The following MAGI1 variants were observed in gnomAD, a reference collection of about 807,000 sequenced individuals.
The protein encoded by MAGI1 is membrane-associated guanylate kinase, WW and PDZ domain-containing protein 1.
In MAGI1, 58 loss-of-function variants were observed where a neutral mutation model predicts 139.9. The ratio of observed to expected loss-of-function variants is 0.41; its 90% CI spans 0.34 to 0.52. The LOEUF is 0.52. Among genes scored for constraint, MAGI1 ranks in the 20% least tolerant of loss-of-function variants. MAGI1 has a pLI of 0.12. For synonymous variants in MAGI1, 812 were observed against 737.9 expected (o/e 1.10, Z -1.63); for missense variants, 1,874 against 1,901.6 (o/e 0.99, Z 0.27).
chr3:65,712,074 T>C lies in MAGI1; in HGVS notation c.314-89986A>G, dbSNP rs543220323. 2.0e-5 allele frequency among the ~76,000 whole-genome samples: 3 copies of C among 152,284 alleles called. No homozygotes were observed. In the East Asian group the frequency reaches 5.8e-4, roughly 29 times the overall value. On this transcript the variant is annotated intron_variant, in intron 1 of 22. Transcript: ENST00000402939. ...AAGTGCCTAGCAAATGGTTGGCTCT[T>C]GTGATGGTTTAAAAACACAACCTAA...
At chr3:65,480,493 G>C (rs4688570) in intron 3 of MAGI1, among the ~76,000 whole-genome samples, 125,408 of 150,990 alleles carry the variant, frequency 0.83, 52,242 homozygotes, top group East Asian at 0.96. Flanking sequence ...AGAGATCGTG[G>C]TACTGCACTC....
chr3:65,858,707 T>C (rs898131480), intron 1 of MAGI1, among the ~76,000 whole-genome samples: 2 of 152,180 alleles, frequency 1.3e-5, no homozygotes, highest in Non-Finnish European at 2.9e-5. Context: ...ACCAATGACC[T>C]GGTCTAATTA....
At position 65,987,251 on chromosome 3, in the gene MAGI1, T is replaced by A. The variant is rs879868060; in HGVS notation, c.313+50745A>T. On this transcript the variant is annotated intron_variant, in intron 1 of 22. Transcript: ENST00000402939. The stretch of plus-strand genomic sequence containing the variant: ...TCATGTGACTTTGGGAGGGAAGAGC[T>A]TGAACTCTGCTATTCCTAATGTGCA... 2.6e-5 allele frequency among the ~76,000 whole-genome samples: 4 copies of A among 152,280 alleles called. No homozygotes were observed. The South Asian group carries it at 8.3e-4, about 32-fold the overall frequency.
At chr3:65,876,399 G>A (rs1006578619) in intron 1 of MAGI1, among the ~76,000 whole-genome samples, 1 of 152,100 alleles carries the variant, frequency 6.6e-6, no homozygotes, top group Non-Finnish European at 1.5e-5. Context: ...GCTCAGCTGA[G>A]AAATGCTGAT....
chr3:65,507,434 G>C (rs1477933681), intron 2 of MAGI1, among the ~76,000 whole-genome samples: 1 of 152,222 alleles, frequency 6.6e-6, no homozygotes, highest in Non-Finnish European at 1.5e-5. Context: ...AGGATTACAT[G>C]AGACAACACA....
At chr3:65,812,140 T>C (rs1350764055) in intron 1 of MAGI1, among the ~76,000 whole-genome samples, 2 of 152,040 alleles carry the variant, frequency 1.3e-5, no homozygotes, top group Non-Finnish European at 2.9e-5. Flanking sequence ...CAGGAAATGC[T>C]TTTTCCCAGA....
chr3:65,359,803 T>C, intron 22 of MAGI1: 1 of 985,774 alleles, frequency 1.0e-6, no homozygotes, highest in South Asian at 4.7e-5. Flanking sequence ...TGGATTTTCA[T>C]CCTCAGTGCA....
intron 1 of MAGI1, among the ~76,000 whole-genome samples, chr3:66,030,666 C>T (rs2107594474): frequency 6.6e-6 from 1 of 152,180 alleles, no homozygotes; most frequent in Middle Eastern, 3.4e-3. Flanking sequence ...AGATAGCAAG[C>T]CTGTAAGATG....
chr3:65,964,932 G>A lies in MAGI1; in HGVS notation c.313+73064C>T, dbSNP rs936341520. On this transcript the variant is annotated intron_variant, in intron 1 of 22. Coordinates refer to ENST00000402939, the MANE Select transcript of MAGI1 (RefSeq NM_001033057.2). Reference sequence around the variant, plus strand: ...AAGAATTTCAATAAGAAACTCTCCCGGAAACTATATGCATATGCATATCTA... The same window carrying A: ...AAGAATTTCAATAAGAAACTCTCCCAGAAACTATATGCATATGCATATCTA... Among the ~76,000 whole-genome samples the A allele has an allele frequency of 2.6e-5, 4 of 152,154 alleles. No individual in the cohort carries two copies. In the East Asian group the frequency reaches 5.8e-4, roughly 22 times the overall value.
At chr3:65,811,823 T>TC (rs544656693) in intron 1 of MAGI1, among the ~76,000 whole-genome samples, 29 of 152,014 alleles carry the variant, frequency 1.9e-4, no homozygotes, top group African/African-American at 5.8e-4. Context: ...TTATAAAGAA[T>TC]CCCCCCTTGT....
intron 1 of MAGI1, among the ~76,000 whole-genome samples, chr3:65,662,415 C>T (rs2107396991): frequency 6.6e-6 from 1 of 152,354 alleles, no homozygotes; most frequent in South Asian, 2.1e-4. Flanking sequence ...CTACTTGATT[C>T]TGCCACTTTG....
chr3:65,516,336 C>T (rs899926914), intron 2 of MAGI1, among the ~76,000 whole-genome samples: 2 of 152,032 alleles, frequency 1.3e-5, no homozygotes, highest in Non-Finnish European at 2.9e-5. Flanking sequence ...TGTGCCACCC[C>T]ACCCGGCTAA....
chr3:65,551,300 T>C (rs2079818346), intron 2 of MAGI1, among the ~76,000 whole-genome samples: 1 of 151,802 alleles, frequency 6.6e-6, no homozygotes, highest in Non-Finnish European at 1.5e-5. Context: ...ACCACTTTCC[T>C]TTTTTATTTT....
chr3:65,989,647 C>T (rs1203632750), intron 1 of MAGI1, among the ~76,000 whole-genome samples: 1 of 152,182 alleles, frequency 6.6e-6, no homozygotes, highest in Non-Finnish European at 1.5e-5. Context: ...AAGTGATCCT[C>T]CTGCCTCAGC....
chr3:65,969,491 C>A (rs971485596), intron 1 of MAGI1, among the ~76,000 whole-genome samples: 1 of 152,146 alleles, frequency 6.6e-6, no homozygotes, highest in African/African-American at 2.4e-5. Flanking sequence ...TGCCACTGAC[C>A]TGGGAGAAAC....
At chr3:65,368,601 C>T (rs1941671761) in intron 18 of MAGI1, among the ~76,000 whole-genome samples, 1 of 152,200 alleles carries the variant, frequency 6.6e-6, no homozygotes, top group African/African-American at 2.4e-5. Flanking sequence ...CCAAGCAAAT[C>T]AACAAAGGAT....
intron 1 of MAGI1, among the ~76,000 whole-genome samples, chr3:65,842,418 T>C (rs1419487976): frequency 2.7e-5 from 4 of 150,870 alleles, no homozygotes; most frequent in African/African-American, 9.7e-5. Flanking sequence ...TGGAGTGCAA[T>C]GGCGCAATCT....
At chr3:65,880,808 GAA>G (rs956980080) in intron 1 of MAGI1, among the ~76,000 whole-genome samples, 1 of 152,148 alleles carries the variant, frequency 6.6e-6, no homozygotes, top group African/African-American at 2.4e-5. Context: ...CTGAATTAAA[GAA>G]AAGAGAAAGA....
chr3:65,905,192 T>C (rs2061387388), intron 1 of MAGI1, among the ~76,000 whole-genome samples: 1 of 152,196 alleles, frequency 6.6e-6, no homozygotes, highest in Non-Finnish European at 1.5e-5. Flanking sequence ...AGAACTACTG[T>C]TTTAGAGCAC....
Sources: allele counts gnomAD v4.1 joint callset (sites outside exome capture counted in the v4.1 genomes callset), GRCh38; gene constraint gnomAD v4.1.1; transcripts MANE v1.5; gene names NCBI Gene and HGNC (gene_info 2026-07-23, HGNC 2026-07-21).